RBPJ: variants seen among roughly 807,000 people sequenced by gnomAD.
The protein encoded by RBPJ is recombining binding protein suppressor of hairless.
In RBPJ, 9 loss-of-function variants were observed where a neutral mutation model predicts 67.8. The ratio of observed to expected loss-of-function variants is 0.13; its 90% CI spans 0.08 to 0.23. The LOEUF is 0.23. RBPJ is among the 10% of genes least tolerant of loss of function. RBPJ has a pLI of 1.00. For synonymous variants in RBPJ, 198 were observed against 203.3 expected (o/e 0.97, Z 0.22); for missense variants, 305 against 595.6 (o/e 0.51, Z 5.08).
At position 26,176,260 on chromosome 4, in the gene RBPJ, T is replaced by C. The variant is rs1479752859; in HGVS notation, c.-167+12646T>C. Among the ~76,000 whole-genome samples, 3 of 152,322 alleles carry C rather than the reference T, an allele frequency of 2.0e-5. No individual in the cohort carries two copies. In the East Asian group the frequency reaches 5.8e-4, roughly 29 times the overall value. On this transcript the variant is annotated intron_variant, in intron 1 of 4. Coordinates refer to the RBPJ transcript ENST00000512351. ...ACTGAAGCTGGCTCTATTATTCCTA[T>C]TTCAAAGGCAGGGAAGATGGGTCTT...
chr4:26,273,972 C>G (rs1721001930), intron 1 of RBPJ, among the ~76,000 whole-genome samples: 1 of 152,162 alleles, frequency 6.6e-6, no homozygotes, highest in Non-Finnish European at 1.5e-5. Context: ...TGTTCTTCTT[C>G]CATTCCCCTG....
At chr4:26,202,048 C>T (rs1717997492) in intron 1 of RBPJ, among the ~76,000 whole-genome samples, 1 of 152,226 alleles carries the variant, frequency 6.6e-6, no homozygotes, top group Admixed American at 6.5e-5. Context: ...GCTTGTCCTT[C>T]CCTTTTTCTG....
chr4:26,314,981 C>T (rs759543299), upstream of RBPJ, among the ~76,000 whole-genome samples: 1 of 150,848 alleles, frequency 6.6e-6, no homozygotes, highest in Non-Finnish European at 1.5e-5. Flanking sequence ...CCCGTCTCCA[C>T]TAAAAATACA....
chr4:26,223,438 G>GA (rs1718980652), intron 1 of RBPJ, among the ~76,000 whole-genome samples: 1 of 152,200 alleles, frequency 6.6e-6, no homozygotes, highest in African/African-American at 2.4e-5. Context: ...AGGGCTCAGG[G>GA]AAAATCTGCC....
At chr4:26,244,865 T>C (rs1719874347) in intron 1 of RBPJ, among the ~76,000 whole-genome samples, 1 of 152,094 alleles carries the variant, frequency 6.6e-6, no homozygotes, top group South Asian at 2.1e-4. Context: ...AACTCTTGGC[T>C]TCAAATGATC....
intron 1 of RBPJ, among the ~76,000 whole-genome samples, chr4:26,164,784 G>T (rs1320626669): frequency 2.0e-5 from 3 of 152,132 alleles, no homozygotes; most frequent in Admixed American, 2.0e-4. Flanking sequence ...CTGGAAAATG[G>T]GGGGGACCAT....
At chr4:26,191,086 A>G (rs1404694757) in intron 1 of RBPJ, among the ~76,000 whole-genome samples, 1 of 140,886 alleles carries the variant, frequency 7.1e-6, no homozygotes, top group African/African-American at 2.7e-5. Flanking sequence ...CAGTAGGTCA[A>G]GGCTGCAGTG....
intron 1 of RBPJ, among the ~76,000 whole-genome samples, chr4:26,170,556 A>AAC (rs1553845083): frequency 9.9e-6 from 1 of 100,824 alleles, no homozygotes; most frequent in African/African-American, 5.4e-5. Context: ...AAAAAAAAAA[A>AAC]GGAATGGAAA....
chr4:26,319,702 C>T (rs543064838), upstream of RBPJ: 2 of 700,560 alleles, frequency 2.9e-6, no homozygotes, highest in Non-Finnish European at 5.3e-6. Context: ...TGAGACTGGA[C>T]TGCCCGCATT....
Position 26,430,907 on chromosome 4 carries a change from T to G in RBPJ, c.1364T>G (p.Val455Gly), listed in dbSNP as rs1315085794. The G allele has an allele frequency of 6.2e-7, 1 of 1,613,798 alleles. No individual in the cohort carries two copies. Among genetic ancestry groups the G allele is most frequent in the Admixed American group, 1.7e-5 (1 of 59,986 alleles). Residue 455 changes from valine (V) to glycine (G), a missense_variant, in exon 11 of 11, where the codon GTG becomes GGG. Coordinates refer to ENST00000355476, the MANE Select transcript of RBPJ (RefSeq NM_015874.6). This position sits in a 1 kb window ranked among gnomAD's most constrained non-coding sequence, Gnocchi z 4.1. ...GAILRANSSQ[V>G]PPNESNTNSE... The stretch of plus-strand genomic sequence containing the variant: ...ATCCTTCGAGCCAATTCAAGCCAGG[T>G]GCCCCCTAACGAATCAAACACAAAC...
the RBPJ span, among the ~76,000 whole-genome samples, chr4:26,145,327 G>A: frequency 6.6e-6 from 1 of 152,132 alleles, no homozygotes; most frequent in Admixed American, 6.5e-5. Flanking sequence ...ACCACCATCA[G>A]ATTAAGATGG....
intron 1 of RBPJ, among the ~76,000 whole-genome samples, chr4:26,279,781 T>C (rs1333089317): frequency 7.0e-6 from 1 of 142,272 alleles, no homozygotes; most frequent in Admixed American, 7.5e-5. Flanking sequence ...GAAGTTGAAA[T>C]TGTCTTTTTT....
the RBPJ span, among the ~76,000 whole-genome samples, chr4:26,114,185 G>A: frequency 7.2e-4 from 109 of 152,214 alleles, no homozygotes; most frequent in African/African-American, 1.3e-3. Context: ...TGGGCCTGGC[G>A]TGTTGGCTCA....
At chr4:26,214,541 G>GAGAGAAGGAGGA (rs1718564530) in intron 1 of RBPJ, among the ~76,000 whole-genome samples, 2 of 11,814 alleles carry the variant, frequency 1.7e-4, no homozygotes, top group Non-Finnish European at 1.6e-4. Context: ...GGAAGGGAGG[G>GAGAGAAGGAGGA]AGGGAGGGAG....
At chr4:26,114,149 G>A in the RBPJ span, among the ~76,000 whole-genome samples, 1 of 152,208 alleles carries the variant, frequency 6.6e-6, no homozygotes, top group Non-Finnish European at 1.5e-5. Context: ...TATAAAAGTT[G>A]AATGACACAG....
chr4:26,348,112 C>T (rs1577490642), intron 1 of RBPJ, among the ~76,000 whole-genome samples: 1 of 152,078 alleles, frequency 6.6e-6, no homozygotes, highest in Admixed American at 6.6e-5. Flanking sequence ...CAGGCACACG[C>T]TACCACGCCT....
chr4:26,129,753 A>G, the RBPJ span, among the ~76,000 whole-genome samples: 2 of 152,090 alleles, frequency 1.3e-5, no homozygotes, highest in Middle Eastern at 6.3e-3. Context: ...GGTGTTCCCT[A>G]TCTAGCCTCC....
At position 26,434,736 on chromosome 4, in the gene RBPJ, T is replaced by C. The variant is rs569485686; in HGVS notation, c.*3729T>C. On this transcript the variant is annotated 3_prime_UTR_variant, in exon 11 of 11. Transcript: ENST00000355476. ...CAGCATGCTCTACGCATTCAGTCCT[T>C]AAGGGGTTTATTTTACAAACTGTGC... 5 of 152,322 alleles carry C rather than the reference T, an allele frequency of 3.3e-5. No homozygotes were observed. Among genetic ancestry groups the C allele is most frequent in the Admixed American group, 6.5e-5 (1 of 15,300 alleles). The allele number at this position is 152,322 out of a possible 1,614,324, so 9.4% of individuals were successfully genotyped here. A position where few individuals can be genotyped will look rare whatever the true frequency, so the allele number is the denominator to read the frequency against.
At chr4:26,334,123 C>T (rs1724554839) in intron 1 of RBPJ, among the ~76,000 whole-genome samples, 1 of 151,978 alleles carries the variant, frequency 6.6e-6, no homozygotes, top group Non-Finnish European at 1.5e-5. Flanking sequence ...TCACTGCAAC[C>T]TCTGCCTCCC....
Sources: gnomAD v4.1 joint callset for allele counts (sites outside exome capture counted in the v4.1 genomes callset) on GRCh38, gnomAD v4.1.1 for gene constraint, Gnocchi (gnomAD v3.1) non-coding constraint, MANE v1.5 for transcripts, NCBI Gene and HGNC (gene_info 2026-07-23, HGNC 2026-07-21) for gene names.